ISCA1: variants seen among roughly 807,000 people sequenced by gnomAD.
The protein encoded by ISCA1 is iron-sulfur cluster assembly 1 homolog, mitochondrial.
A neutral mutation model predicts 14.7 loss-of-function variants in ISCA1; 9 were observed. That is an observed-to-expected ratio of 0.61 (90% CI 0.37 to 1.07). ISCA1 has a LOEUF of 1.07. ISCA1 is among the 50% of genes least tolerant of loss of function. ISCA1 has a pLI of 0.01. For missense variants in ISCA1, 102 were observed against 150.1 expected, an observed-to-expected ratio of 0.68 and a Z score of 1.67; for synonymous variants, 38 against 54.3, an observed-to-expected ratio of 0.70 and a Z score of 1.32.
intron 3 of ISCA1, among the ~76,000 whole-genome samples, chr9:86,270,033 A>C (rs1386851221): frequency 5.9e-5 from 9 of 151,716 alleles, no homozygotes; most frequent in Middle Eastern, 3.4e-3. Flanking sequence ...TAGGCATGGG[A>C]AAGGACTTCA....
rs912245468 is a variant in ISCA1 at position 86,264,694 on chromosome 9, GGT to G, written c.*1347_*1348del. The G allele has an allele frequency of 6.6e-6, 1 of 152,368 alleles. No homozygotes were observed. Among genetic ancestry groups the G allele is most frequent in the African/African-American group, 2.4e-5 (1 of 41,382 alleles). 9.4% of individuals were successfully genotyped at this position (152,368 alleles called of 1,614,324 possible). ...ACATAAAACTACCGCTCTAGGTTTTGGTGTGTTTTGTGTCAGCTACTTTAGTG... is the reference window on the plus strand; with the variant it reads ...ACATAAAACTACCGCTCTAGGTTTTGGTGTTTTGTGTCAGCTACTTTAGTG... On this transcript the variant is annotated 3_prime_UTR_variant, in exon 4 of 4. Coordinates refer to ENST00000375991, the MANE Select transcript of ISCA1 (RefSeq NM_030940.4).
chr9:86,273,100 C>T (rs1825393067), intron 2 of ISCA1, among the ~76,000 whole-genome samples: 1 of 152,178 alleles, frequency 6.6e-6, no homozygotes, highest in African/African-American at 2.4e-5. Context: ...TCGGTCTATC[C>T]AAATTGAATC....
At chr9:86,275,266 T>G (rs1261960981) in intron 1 of ISCA1, among the ~76,000 whole-genome samples, 3 of 152,252 alleles carry the variant, frequency 2.0e-5, no homozygotes, top group Non-Finnish European at 4.4e-5. Flanking sequence ...CTTCCTACTT[T>G]ATCAGCTCCT....
chr9:86,276,242 G>C (rs1015330656), intron 1 of ISCA1, among the ~76,000 whole-genome samples: 1 of 151,954 alleles, frequency 6.6e-6, no homozygotes, highest in Non-Finnish European at 1.5e-5. Flanking sequence ...GTTCAGACTA[G>C]GGTTTGTGCT....
rs1825283961 is a variant in ISCA1 at position 86,265,559 on chromosome 9, G to C, written c.*484C>G. The C allele has an allele frequency of 4.9e-6, 1 of 203,428 alleles. No homozygotes were observed. The highest frequency in any genetic ancestry group is 2.4e-5 in the African/African-American group (1 of 42,402). 12.6% of individuals were successfully genotyped at this position (203,428 alleles called of 1,614,324 possible). ...GCCTGGTACTATTAAAGAGTATGCA[G>C]TGAGGCAGCTGACAATGAAATTTTT... On this transcript the variant is annotated 3_prime_UTR_variant, in exon 4 of 4. Coordinates refer to ENST00000375991, the MANE Select transcript of ISCA1 (RefSeq NM_030940.4).
chr9:86,281,538 T>G (rs1432733697), intron 1 of ISCA1, among the ~76,000 whole-genome samples: 1 of 152,224 alleles, frequency 6.6e-6, no homozygotes, highest in African/African-American at 2.4e-5. Context: ...AGGTGATGGT[T>G]GCACGACACT....
rs2131229641 is a variant in ISCA1 at position 86,281,746 on chromosome 9, G to GTCCTAA, written c.81+631_81+632insTTAGGA. On this transcript the variant is annotated intron_variant, in intron 1 of 3. Transcript: ENST00000375991. ...CCAGAAAAGGCTGTAAACTCACTCTGGGAAATCATCTTTTGTCCTAAGAGC... is the reference window on the plus strand; with the variant it reads ...CCAGAAAAGGCTGTAAACTCACTCTGTCCTAAGGAAATCATCTTTTGTCCTAAGAGC... Among the ~76,000 whole-genome samples, 3 of 152,324 alleles carry GTCCTAA rather than the reference G, an allele frequency of 2.0e-5. No individual in the cohort carries two copies. The East Asian group carries it at 5.8e-4, about 29-fold the overall frequency.
chr9:86,282,121 C>A, intron 1 of ISCA1: 1 of 518,370 alleles, frequency 1.9e-6, no homozygotes, highest in Admixed American at 3.6e-5. Context: ...CCCTCCGGCC[C>A]GCACGCGGTT....
At chr9:86,274,066 C>T in intron 2 of ISCA1, 123 bp downstream of exon 2, 5 of 585,430 alleles carry the variant, frequency 8.5e-6, no homozygotes, top group East Asian at 3.0e-5. Flanking sequence ...TTTAAAAATC[C>T]TGAGTATATT....
At chr9:86,278,923 A>G (rs1349731604) in intron 1 of ISCA1, among the ~76,000 whole-genome samples, 1 of 152,198 alleles carries the variant, frequency 6.6e-6, no homozygotes, top group Non-Finnish European at 1.5e-5. Context: ...TGAAACTTAA[A>G]AAAAACCATA....
chr9:86,279,100 T>C (rs1825478111), intron 1 of ISCA1, among the ~76,000 whole-genome samples: 1 of 152,204 alleles, frequency 6.6e-6, no homozygotes, highest in Non-Finnish European at 1.5e-5. Flanking sequence ...GGACTTCTGG[T>C]TCTAGTCCAA....
chr9:86,272,142 T>C, intron 2 of ISCA1, 30 bp from the exon 3 acceptor site: 2 of 1,340,712 alleles, frequency 1.5e-6, no homozygotes, highest in Middle Eastern at 3.6e-4. Context: ...ATAAACTTGG[T>C]TTTAAAGTAG....
At chr9:86,279,210 T>C (rs898503057) in intron 1 of ISCA1, among the ~76,000 whole-genome samples, 5 of 152,224 alleles carry the variant, frequency 3.3e-5, no homozygotes, top group African/African-American at 4.8e-5. Flanking sequence ...CCGTACACAA[T>C]GAATTCATCA....
At chr9:86,267,351 T>TA in intron 3 of ISCA1, 3 of 828,618 alleles carry the variant, frequency 3.6e-6, no homozygotes, top group Non-Finnish European at 4.4e-6. Flanking sequence ...TTAAGGTTTA[T>TA]AATGTGTTAT....
At chr9:86,271,452 A>G (rs1825367501) in intron 3 of ISCA1, among the ~76,000 whole-genome samples, 1 of 152,224 alleles carries the variant, frequency 6.6e-6, no homozygotes, top group Admixed American at 6.5e-5. Flanking sequence ...TGAGCATCCC[A>G]AATCCAAAAA....
chr9:86,270,347 C>T (rs1183271962), intron 3 of ISCA1, among the ~76,000 whole-genome samples: 4 of 151,734 alleles, frequency 2.6e-5, no homozygotes, highest in African/African-American at 4.9e-5. Context: ...AAAAAATGCT[C>T]GTCATCACTG....
chr9:86,276,285 C>G (rs985909404), intron 1 of ISCA1, among the ~76,000 whole-genome samples: 2 of 152,048 alleles, frequency 1.3e-5, no homozygotes, highest in Non-Finnish European at 2.9e-5. Flanking sequence ...GATGATCTGA[C>G]AGGAGGTGGA....
chr9:86,271,267 C>T (rs972469038), intron 3 of ISCA1, among the ~76,000 whole-genome samples: 2 of 152,104 alleles, frequency 1.3e-5, no homozygotes, highest in African/African-American at 2.4e-5. Flanking sequence ...ATATGGTAGG[C>T]TCTACCATCT....
At chr9:86,268,597 A>G (rs1249045403) in intron 3 of ISCA1, among the ~76,000 whole-genome samples, 1 of 151,972 alleles carries the variant, frequency 6.6e-6, no homozygotes, top group African/African-American at 2.4e-5. Context: ...ATCACTCCCT[A>G]CTCACTCACT....
Sources: allele counts gnomAD v4.1 joint callset (sites outside exome capture counted in the v4.1 genomes callset), GRCh38; gene constraint gnomAD v4.1.1; transcripts MANE v1.5; gene names NCBI Gene and HGNC (gene_info 2026-07-23, HGNC 2026-07-21).